The following TENM1 variants were observed in gnomAD, a reference collection of about 807,000 sequenced individuals.
TENM1 encodes the protein teneurin-1.
TENM1 carries 35 observed loss-of-function variants against 174.8 expected under a neutral mutation model. The observed-to-expected ratio is 0.20, with a 90% confidence interval of 0.15 to 0.27. TENM1 has a LOEUF of 0.27. Ranked by LOEUF, TENM1 falls within the 10% of genes least tolerant of loss-of-function variation. The pLI is 1.00. For synonymous variants in TENM1, 781 were observed against 798.7 expected, an observed-to-expected ratio of 0.98 and a Z score of 0.37; for missense variants, 1,633 against 2,130.1, an observed-to-expected ratio of 0.77 and a Z score of 4.59.
intron 1 of TENM1, among the ~76,000 whole-genome samples, chrX:124,903,482 A>G (rs1325252907): frequency 8.9e-6 from 1 of 112,325 alleles, no homozygotes; most frequent in Non-Finnish European, 1.9e-5. Context: ...AACAACTCCA[A>G]TCATATTTAG....
At chrX:124,383,602 GT>G (rs763292771) in intron 30 of TENM1, 31 bp downstream of exon 33, 29 of 1,159,246 alleles carry the variant, frequency 2.5e-5, no homozygotes, top group Non-Finnish European at 3.1e-5. Context: ...AGTTACTCAA[GT>G]TTAGCTTAAA....
intron 1 of TENM1, among the ~76,000 whole-genome samples, chrX:124,906,246 A>G (rs1216215216): frequency 8.9e-6 from 1 of 112,031 alleles, no homozygotes; most frequent in African/African-American, 3.2e-5. Context: ...TATACCAAAA[A>G]TGAAAAACAG....
the TENM1 span, among the ~76,000 whole-genome samples, chrX:125,203,066 T>A: frequency 8.9e-6 from 1 of 112,109 alleles, no homozygotes; most frequent in Non-Finnish European, 1.9e-5. Flanking sequence ...CCGCCTGGGT[T>A]GTAATGACTA....
At chrX:124,632,519 T>C (rs1288649441) in intron 11 of TENM1, among the ~76,000 whole-genome samples, 1 of 111,007 alleles carries the variant, frequency 9.0e-6, no homozygotes, top group East Asian at 2.8e-4. Context: ...AAATTTATTG[T>C]CCTCACTCTT....
chrX:124,552,835 A>G (rs1159661508), intron 14 of TENM1, among the ~76,000 whole-genome samples: 1 of 111,653 alleles, frequency 9.0e-6, no homozygotes. Context: ...CCTGGTATCA[A>G]CATGGCTTAA....
intron 4 of TENM1, among the ~76,000 whole-genome samples, chrX:124,720,667 G>A (rs746016570): frequency 8.9e-6 from 1 of 111,767 alleles, no homozygotes; most frequent in African/African-American, 3.2e-5. Flanking sequence ...GTTCACAAAG[G>A]GTTTTGTTTT....
chrX:125,064,896 C>T, the TENM1 span, among the ~76,000 whole-genome samples: 6 of 111,727 alleles, frequency 5.4e-5, no homozygotes, highest in Non-Finnish European at 7.5e-5. Flanking sequence ...ACACCATAGA[C>T]GTCTTAAGTG....
At chrX:124,724,790 T>C (rs2053407113) in intron 4 of TENM1, among the ~76,000 whole-genome samples, 1 of 111,517 alleles carries the variant, frequency 9.0e-6, no homozygotes, top group South Asian at 3.9e-4. Context: ...GGCAAGATCC[T>C]GTCTCAAAAA....
chrX:124,908,577 A>C (rs190235203), intron 1 of TENM1, among the ~76,000 whole-genome samples: 1 of 111,115 alleles, frequency 9.0e-6, no homozygotes, highest in African/African-American at 3.3e-5. Flanking sequence ...CCCATCACTG[A>C]TGGGCATTTG....
At chrX:124,881,582 C>T (rs1423917922) in intron 3 of TENM1, among the ~76,000 whole-genome samples, 4 of 110,687 alleles carry the variant, frequency 3.6e-5, no homozygotes, top group Non-Finnish European at 5.7e-5. Context: ...TATGTTCTTG[C>T]TTTTCTAATT....
intron 8 of TENM1, among the ~76,000 whole-genome samples, chrX:124,649,275 C>T (rs1375675786): frequency 8.9e-6 from 1 of 111,953 alleles, no homozygotes; most frequent in East Asian, 2.8e-4. Flanking sequence ...TGCATCTTCG[C>T]TGATGATAGG....
chrX:124,678,398 G>A (rs2052147030), intron 5 of TENM1, among the ~76,000 whole-genome samples: 1 of 111,273 alleles, frequency 9.0e-6, no homozygotes, highest in Non-Finnish European at 1.9e-5. Flanking sequence ...AACTATTGAT[G>A]TTTAGAGTAG....
At chrX:125,164,396 G>A in the TENM1 span, among the ~76,000 whole-genome samples, 1 of 111,575 alleles carries the variant, frequency 9.0e-6, no homozygotes, top group Non-Finnish European at 1.9e-5. Flanking sequence ...TTCTGCCCAA[G>A]TGGAATATTT....
At chrX:125,107,455 A>C in the TENM1 span, among the ~76,000 whole-genome samples, 1 of 112,027 alleles carries the variant, frequency 8.9e-6, no homozygotes. Context: ...ACTTTTTGAC[A>C]TAACTATATT....
chrX:124,773,697 C>T (rs938980845), intron 3 of TENM1, among the ~76,000 whole-genome samples: 13 of 111,005 alleles, frequency 1.2e-4, no homozygotes, highest in Non-Finnish European at 1.9e-4. Flanking sequence ...AAATGAAACC[C>T]CCGTATGTTG....
chrX:124,637,214 C>T (rs892536784), intron 11 of TENM1, among the ~76,000 whole-genome samples: 9 of 109,696 alleles, frequency 8.2e-5, no homozygotes, highest in East Asian at 2.9e-4. Context: ...TTCAGCCTCC[C>T]GAGTAGATGG....
intron 1 of TENM1, among the ~76,000 whole-genome samples, chrX:124,939,171 A>C (rs1219525457): frequency 8.9e-6 from 1 of 112,031 alleles, no homozygotes; most frequent in Non-Finnish European, 1.9e-5. Flanking sequence ...TTGACTAGGA[A>C]ATCTTACTCC....
At chrX:124,683,400 G>A (rs983737099) in intron 5 of TENM1, among the ~76,000 whole-genome samples, 3 of 111,550 alleles carry the variant, frequency 2.7e-5, no homozygotes, top group African/African-American at 9.8e-5. Flanking sequence ...CTGGAATATC[G>A]GACTAATGAG....
the TENM1 span, among the ~76,000 whole-genome samples, chrX:125,087,903 T>C: frequency 9.0e-6 from 1 of 111,650 alleles, no homozygotes; most frequent in African/African-American, 3.2e-5. Context: ...CCAAATAATT[T>C]GTGTAGATAC....
Sources: allele counts gnomAD v4.1 joint callset (sites outside exome capture counted in the v4.1 genomes callset), GRCh38; gene constraint gnomAD v4.1.1; transcripts MANE v1.5; gene names NCBI Gene and HGNC (gene_info 2026-07-23, HGNC 2026-07-21).